The following IMMP2L variants were observed in gnomAD, a reference collection of about 807,000 sequenced individuals.
IMMP2L encodes the protein mitochondrial inner membrane protease subunit 2.
In IMMP2L, 18 loss-of-function variants were observed where a neutral mutation model predicts 19.3. The observed-to-expected ratio is 0.93, with a 90% CI of 0.64 to 1.38. The LOEUF (loss-of-function observed/expected upper bound fraction) is 1.38, where lower values mean the gene tolerates loss of function less well. IMMP2L is among the 40% of genes most tolerant of loss of function. The pLI is 0.00. For missense variants in IMMP2L, 233 were observed against 218.2 expected, an observed-to-expected ratio of 1.07 and a Z score of -0.43; for synonymous variants, 76 against 73.0, an observed-to-expected ratio of 1.04 and a Z score of -0.21.
intron 1 of IMMP2L, among the ~76,000 whole-genome samples, chr7:111,556,040 A>ATATATATATATATATATATGCG: frequency 7.2e-6 from 1 of 139,400 alleles, no homozygotes; most frequent in Non-Finnish European, 1.6e-5. Context: ...ATATATACAT[A>ATATATATATATATATATATGCG]CCCAAAGAAA....
intron 5 of IMMP2L, among the ~76,000 whole-genome samples, chr7:110,817,546 T>G (rs141301604): frequency 6.6e-6 from 1 of 152,060 alleles, no homozygotes; most frequent in African/African-American, 2.4e-5. Context: ...CCCAAGGTAA[T>G]TTATAGATTC....
chr7:110,945,686 T>G lies in IMMP2L; in HGVS notation c.305+17814A>C, dbSNP rs1383234199. Among the ~76,000 whole-genome samples, 3 of 151,706 alleles carry G rather than the reference T, an allele frequency of 2.0e-5. 1 individual carries two copies. In the Admixed American group the frequency reaches 2.0e-4, roughly 10 times the overall value. On this transcript the variant is annotated intron_variant, in intron 4 of 5. Transcript: ENST00000405709. ...TTTAGTCCAAAGGTCCTCAGATTATTGTCAGCCGCTTTCCATTTTTCTAAA... is the reference window on the plus strand; with the variant it reads ...TTTAGTCCAAAGGTCCTCAGATTATGGTCAGCCGCTTTCCATTTTTCTAAA...
intron 3 of IMMP2L, among the ~76,000 whole-genome samples, chr7:111,214,511 T>TG (rs1298104065): frequency 7.0e-6 from 1 of 142,930 alleles, no homozygotes; most frequent in Admixed American, 7.0e-5. Flanking sequence ...TCTGTTTTTT[T>TG]TTTTTTTTTT....
intron 5 of IMMP2L, 132 bp from the exon 6 acceptor site, chr7:110,663,853 T>A: frequency 1.8e-6 from 1 of 561,512 alleles, no homozygotes; most frequent in South Asian, 3.0e-5. Flanking sequence ...AAAAAAATAG[T>A]AAACACCTTT....
At chr7:111,120,762 T>C (rs971629633) in intron 3 of IMMP2L, among the ~76,000 whole-genome samples, 1 of 152,120 alleles carries the variant, frequency 6.6e-6, no homozygotes, top group Admixed American at 6.6e-5. Flanking sequence ...TGGAGAGAAG[T>C]ATGAATGAAA....
chr7:111,255,550 T>C (rs985031268), intron 3 of IMMP2L, among the ~76,000 whole-genome samples: 3 of 152,136 alleles, frequency 2.0e-5, no homozygotes, highest in African/African-American at 7.2e-5. Context: ...ATAATTATTA[T>C]AGTTTAAAAT....
At chr7:111,501,795 G>A (rs1025155071) in intron 2 of IMMP2L, among the ~76,000 whole-genome samples, 4 of 152,056 alleles carry the variant, frequency 2.6e-5, no homozygotes, top group African/African-American at 4.8e-5. Context: ...TCACCACCAG[G>A]CCTGCCCTAA....
chr7:111,004,991 G>C (rs1331790897), intron 3 of IMMP2L, among the ~76,000 whole-genome samples: 1 of 152,070 alleles, frequency 6.6e-6, no homozygotes, highest in African/African-American at 2.4e-5. Context: ...GTTGCTATAA[G>C]ATCCAATATA....
intron 3 of IMMP2L, among the ~76,000 whole-genome samples, chr7:111,295,758 A>G (rs2129818644): frequency 6.6e-6 from 1 of 151,960 alleles, no homozygotes; most frequent in East Asian, 1.9e-4. Flanking sequence ...TTTTCCACAT[A>G]TCACATGGAG....
intron 1 of IMMP2L, among the ~76,000 whole-genome samples, chr7:111,551,001 T>C (rs932601802): frequency 6.6e-6 from 1 of 152,190 alleles, no homozygotes; most frequent in African/African-American, 2.4e-5. Context: ...AATTTGTTTA[T>C]TGGTTTACAT....
intron 5 of IMMP2L, among the ~76,000 whole-genome samples, chr7:110,828,872 G>C (rs918318519): frequency 1.3e-5 from 2 of 152,072 alleles, no homozygotes; most frequent in Non-Finnish European, 2.9e-5. Context: ...ACAAATATTA[G>C]AACATAAATA....
chr7:110,751,068 T>A (rs1797686989), intron 5 of IMMP2L, among the ~76,000 whole-genome samples: 1 of 152,042 alleles, frequency 6.6e-6, no homozygotes, highest in Non-Finnish European at 1.5e-5. Context: ...GTCTTGTTTC[T>A]TTTAATACTT....
chr7:111,106,402 A>G, intron 3 of IMMP2L, among the ~76,000 whole-genome samples: 1 of 151,942 alleles, frequency 6.6e-6, no homozygotes, highest in East Asian at 1.9e-4. Context: ...AATAATAGAA[A>G]TCTCTTCTCT....
At chr7:111,058,971 T>A (rs1397243406) in intron 3 of IMMP2L, among the ~76,000 whole-genome samples, 4 of 152,132 alleles carry the variant, frequency 2.6e-5, no homozygotes, top group African/African-American at 7.2e-5. Context: ...CTCTTTTTTT[T>A]AACTTTTTAT....
At chr7:110,759,639 T>G (rs1798236651) in intron 5 of IMMP2L, among the ~76,000 whole-genome samples, 1 of 152,148 alleles carries the variant, frequency 6.6e-6, no homozygotes, top group Non-Finnish European at 1.5e-5. Context: ...AAACAGATTT[T>G]GGAGCTGCTT....
At chr7:111,285,148 A>G (rs1820349954) in intron 3 of IMMP2L, among the ~76,000 whole-genome samples, 1 of 152,140 alleles carries the variant, frequency 6.6e-6, no homozygotes, top group Non-Finnish European at 1.5e-5. Context: ...ACCCTATGAC[A>G]TGAAACAGTG....
intron 3 of IMMP2L, among the ~76,000 whole-genome samples, chr7:111,031,934 ATT>A (rs57560784): frequency 2.2e-3 from 234 of 108,054 alleles, no homozygotes; most frequent in East Asian, 6.6e-3. Flanking sequence ...AACACCAGAG[ATT>A]TTTTTTTTTT....
chr7:111,032,681 G>T (rs1376651538), intron 3 of IMMP2L, among the ~76,000 whole-genome samples: 1 of 152,072 alleles, frequency 6.6e-6, no homozygotes, highest in Non-Finnish European at 1.5e-5. Context: ...AATTAGCCAG[G>T]CATAGTGGTG....
At chr7:110,822,285 A>G (rs1803101875) in intron 5 of IMMP2L, among the ~76,000 whole-genome samples, 1 of 152,096 alleles carries the variant, frequency 6.6e-6, no homozygotes, top group African/African-American at 2.4e-5. Context: ...CTCTATCTTC[A>G]TCCCCATTGT....
Sources: allele counts gnomAD v4.1 joint callset (sites outside exome capture counted in the v4.1 genomes callset), GRCh38; gene constraint gnomAD v4.1.1; transcripts MANE v1.5; gene names NCBI Gene and HGNC (gene_info 2026-07-23, HGNC 2026-07-21).